PTPRN2: variants seen among roughly 807,000 people sequenced by gnomAD.
The protein encoded by PTPRN2 is protein tyrosine phosphatase receptor type N2, also known as receptor-type tyrosine-protein phosphatase N2.
In PTPRN2, 74 loss-of-function variants were observed where a neutral mutation model predicts 118.8. The ratio of observed to expected loss-of-function variants is 0.62; its 90% confidence interval spans 0.52 to 0.76. The LOEUF (loss-of-function observed/expected upper bound fraction) is 0.76, where lower values mean the gene tolerates loss of function less well. Ranked by LOEUF, PTPRN2 falls within the 30% of genes least tolerant of loss-of-function variation. The pLI, the probability that PTPRN2 is intolerant of heterozygous loss-of-function variation, is 0.00. For synonymous variants in PTPRN2, 641 were observed against 608.0 expected (o/e 1.05, Z -0.80); for missense variants, 1,481 against 1,394.4 (o/e 1.06, Z -0.99).
intron 8 of PTPRN2, among the ~76,000 whole-genome samples, chr7:158,134,286 C>T (rs906480103): frequency 1.3e-5 from 2 of 152,058 alleles, no homozygotes; most frequent in African/African-American, 4.8e-5. Flanking sequence ...GCTGTTTTCT[C>T]CTCCCTCCCG....
At chr7:157,898,774 G>A (rs1170449709) in intron 11 of PTPRN2, 37 bp from the exon 12 acceptor site, 1 of 1,535,578 alleles carries the variant, frequency 6.5e-7, no homozygotes. Context: ...GAGTCAGGTT[G>A]GAGAGGTCCT....
At chr7:157,757,321 C>T (rs1472068053) in intron 12 of PTPRN2, among the ~76,000 whole-genome samples, 1 of 152,090 alleles carries the variant, frequency 6.6e-6, no homozygotes, top group Non-Finnish European at 1.5e-5. Flanking sequence ...TGAGCCGCCT[C>T]CTATGGCAGC....
At chr7:158,146,645 C>G (rs1240195865) in intron 6 of PTPRN2, among the ~76,000 whole-genome samples, 1 of 147,920 alleles carries the variant, frequency 6.8e-6, no homozygotes, top group East Asian at 1.9e-4. Context: ...GGTGTGAACC[C>G]AGGAGGCGGA....
At chr7:158,340,422 C>A (rs1388830841) in intron 2 of PTPRN2, among the ~76,000 whole-genome samples, 4 of 58,400 alleles carry the variant, frequency 6.8e-5, no homozygotes, top group Non-Finnish European at 1.5e-4. Flanking sequence ...GTCACTCACA[C>A]ACACACTCTC....
intron 15 of PTPRN2, among the ~76,000 whole-genome samples, chr7:157,613,237 C>G (rs369572213): frequency 6.6e-6 from 1 of 152,256 alleles, no homozygotes; most frequent in South Asian, 2.1e-4. Context: ...GGCTAAGCAG[C>G]GACGGCGCTA....
intron 11 of PTPRN2, among the ~76,000 whole-genome samples, chr7:158,073,588 G>A (rs746174245): frequency 5.6e-4 from 84 of 151,200 alleles, no homozygotes; most frequent in Non-Finnish European, 1.0e-3. Flanking sequence ...AGATGAAGCC[G>A]CTTCCTACTA....
chr7:158,527,816 T>C (rs1824904277), intron 1 of PTPRN2, among the ~76,000 whole-genome samples: 1 of 152,034 alleles, frequency 6.6e-6, no homozygotes, highest in African/African-American at 2.4e-5. Context: ...CAGGCTCCCC[T>C]GGTCTTCCTG....
intron 2 of PTPRN2, among the ~76,000 whole-genome samples, chr7:158,479,940 A>C (rs527567098): frequency 1.3e-5 from 2 of 152,358 alleles, no homozygotes; most frequent in African/African-American, 4.8e-5. Flanking sequence ...TGACAGCAGC[A>C]CCATGCAACA....
intron 10 of PTPRN2, among the ~76,000 whole-genome samples, chr7:158,105,517 C>T (rs1815614136): frequency 1.3e-5 from 2 of 151,844 alleles, no homozygotes; most frequent in African/African-American, 4.8e-5. Context: ...CAGATTCCAT[C>T]CCAGCTCTAC....
intron 12 of PTPRN2, among the ~76,000 whole-genome samples, chr7:157,788,425 A>T (rs1266819612): frequency 3.3e-5 from 5 of 151,370 alleles, no homozygotes; most frequent in Non-Finnish European, 7.4e-5. Context: ...CTCCTTGGCA[A>T]GACACTGCTG....
chr7:158,116,417 G>A (rs980977284), intron 9 of PTPRN2, among the ~76,000 whole-genome samples: 2 of 152,228 alleles, frequency 1.3e-5, no homozygotes, highest in African/African-American at 4.8e-5. Flanking sequence ...TCTAGTGGAA[G>A]GTCTGGATAC....
At position 157,610,206 on chromosome 7, in the gene PTPRN2, T is replaced by G. The variant is rs2150596227; in HGVS notation, c.2345-6131A>C. 6.6e-6 allele frequency among the ~76,000 whole-genome samples: 1 copy of G among 152,316 alleles called. No homozygotes were observed. Among genetic ancestry groups the G allele is most frequent in the South Asian group, 2.1e-4 (1 of 4,818 alleles). ...GTGAGGCCATCTGTGAAGCCACTGC[T>G]GAGTCCAGGGGCCTCACGGAACTTG... is the stretch of plus-strand genomic sequence containing the variant. On this transcript the variant is annotated intron_variant, in intron 15 of 22. Transcript: ENST00000389418. This position sits in a 1 kb window ranked among gnomAD's most constrained non-coding sequence, Gnocchi z 5.1.
intron 2 of PTPRN2, among the ~76,000 whole-genome samples, chr7:158,488,345 A>G (rs893456295): frequency 2.6e-5 from 4 of 152,062 alleles, no homozygotes; most frequent in Non-Finnish European, 4.4e-5. Context: ...CCCACTTGTC[A>G]CACTCGGCAC....
At position 157,668,036 on chromosome 7, in the gene PTPRN2, A is replaced by G. The variant is rs186970905; in HGVS notation, c.2002-11485T>C. 3.5e-3 allele frequency among the ~76,000 whole-genome samples: 540 copies of G among 152,354 alleles called. 6 individuals are homozygous for G. The highest frequency in any genetic ancestry group is 0.012 in the African/African-American group (505 of 41,582). On this transcript the variant is annotated intron_variant, in intron 13 of 22. Transcript: ENST00000389418. Reference sequence around the variant, plus strand: ...TGCTCTGAGCAGCTCCTCAGGTGTGAGCACACAAACAGAGGAGGCCATGGT... The same window carrying G: ...TGCTCTGAGCAGCTCCTCAGGTGTGGGCACACAAACAGAGGAGGCCATGGT...
At chr7:157,996,281 G>T (rs1264200828) in intron 11 of PTPRN2, among the ~76,000 whole-genome samples, 5 of 152,182 alleles carry the variant, frequency 3.3e-5, no homozygotes, top group Non-Finnish European at 7.3e-5. Flanking sequence ...GACCCGGGAC[G>T]CTGGGAAGGG....
intron 12 of PTPRN2, among the ~76,000 whole-genome samples, chr7:157,882,694 C>T (rs759697649): frequency 1.0e-4 from 15 of 145,576 alleles, no homozygotes; most frequent in Admixed American, 2.1e-4. Flanking sequence ...AAATGACTGT[C>T]GGAGAACAGA....
intron 11 of PTPRN2, among the ~76,000 whole-genome samples, chr7:158,065,620 C>A (rs575883375): frequency 2.0e-5 from 3 of 152,178 alleles, no homozygotes; most frequent in African/African-American, 4.8e-5. Flanking sequence ...ACGGCCCCCA[C>A]GGGTCAGACC....
chr7:158,136,888 C>T (rs1021924492), intron 7 of PTPRN2, among the ~76,000 whole-genome samples, 193 bp from the exon 8 acceptor site: 2 of 152,168 alleles, frequency 1.3e-5, no homozygotes, highest in South Asian at 2.1e-4. Context: ...TTCGCGAGAG[C>T]GGAGGGGACT....
chr7:158,188,104 C>T (rs920400798), intron 5 of PTPRN2, among the ~76,000 whole-genome samples: 37 of 151,290 alleles, frequency 2.4e-4, no homozygotes, highest in Non-Finnish European at 5.3e-4. Context: ...CCGTCACGAG[C>T]TCCCAACGGA....
Sources: allele counts gnomAD v4.1 joint callset (sites outside exome capture counted in the v4.1 genomes callset), GRCh38; gene constraint gnomAD v4.1.1; non-coding constraint Gnocchi (gnomAD v3.1); transcripts MANE v1.5; gene names NCBI Gene and HGNC (gene_info 2026-07-23, HGNC 2026-07-21).